The following CUBN variants were observed in gnomAD, a reference collection of about 807,000 sequenced individuals.
CUBN encodes 460 kDa receptor.
In CUBN, 282 loss-of-function variants were observed where a neutral mutation model predicts 405.3. The ratio of observed to expected loss-of-function variants is 0.70; its 90% CI spans 0.63 to 0.77. CUBN has a LOEUF of 0.77. Among genes scored for constraint, CUBN ranks in the 30% least tolerant of loss-of-function variants. The pLI is 0.00. For synonymous variants in CUBN, 1,684 were observed against 1,617.0 expected (o/e 1.04, Z -0.99); for missense variants, 4,514 against 4,475.2 (o/e 1.01, Z -0.25).
rs1031159091 is a variant in CUBN at position 17,100,196 on chromosome 10, T to C, written c.1574A>G (p.Asp525Gly). 6.2e-7 allele frequency: 1 copy of C among 1,613,888 alleles called. No homozygotes were observed. The highest frequency in any genetic ancestry group is 1.3e-5 in the African/African-American group (1 of 74,932). ...CTGAAGAAACTCGTGTGGACAGTTGTCCATGGATTCTAACCGGAAAAAAGT... is the reference window on the plus strand; with the variant it reads ...CTGAAGAAACTCGTGTGGACAGTTGCCCATGGATTCTAACCGGAAAAAAGT... Reference protein sequence around the residue: ...TFTFFRLESMDNCPHEFLQVY... With the variant: ...TFTFFRLESMGNCPHEFLQVY... The change falls in exon 14 of 67, where the codon GAC becomes GGC. Residue 525 changes from aspartate to glycine, a missense_variant. Physicochemically the swap from Asp to Gly is moderately conservative, Grantham distance 94. This residue lies in a region of CUBN where 1,448 missense variants were observed against 1,388.0 expected (regional missense o/e 1.04). Transcript: ENST00000377833.
intron 60 of CUBN, among the ~76,000 whole-genome samples, chr10:16,845,939 C>G (rs368937411): frequency 2.6e-5 from 4 of 152,206 alleles, no homozygotes; most frequent in Non-Finnish European, 4.4e-5. Context: ...GGGCCTATAA[C>G]TGGCATTTAG....
rs1300451528 is a variant in CUBN, at chr10:16,933,092, C to T, written c.6119G>A (p.Arg2040Gln). ...ATTCTTTATAATGTTCTCACCATCT[C>T]GTATCACAAGGCTATCATAGGCACA... ...RTCAYDSLVI[R>Q]DGDNNLAQQL... The change falls in exon 40 of 67, where the codon CGA (arginine) becomes CAA (glutamine). Residue 2040 changes from arginine (R) to glutamine (Q), a missense_variant. Coordinates refer to ENST00000377833, the MANE Select transcript of CUBN (RefSeq NM_001081.4). 2.5e-6 allele frequency: 4 copies of T among 1,613,708 alleles called. No homozygotes were observed. Among genetic ancestry groups the T allele is most frequent in the Non-Finnish European group, 3.4e-6 (4 of 1,179,744 alleles).
At chr10:17,019,113 G>A (rs72775005) in intron 28 of CUBN, among the ~76,000 whole-genome samples, 222 of 152,296 alleles carry the variant, frequency 1.5e-3, no homozygotes, top group Middle Eastern at 6.8e-3. Flanking sequence ...TAATGCTGAC[G>A]CTGCTCTCTA....
intron 14 of CUBN, among the ~76,000 whole-genome samples, chr10:17,089,542 T>A (rs555221264): frequency 9.8e-4 from 150 of 152,320 alleles, no homozygotes; most frequent in African/African-American, 3.1e-3. Context: ...AAAACCTTAA[T>A]TGAGATGCCA....
chr10:16,952,232 C>T (rs768856596), intron 33 of CUBN, 44 bp downstream of exon 33: 2 of 1,395,572 alleles, frequency 1.4e-6, no homozygotes, highest in East Asian at 4.6e-5. Context: ...CCCACAGACA[C>T]CTTCTCTCCT....
In CUBN at chr10:17,068,095, A is replaced by G. The variant is rs755061256; in HGVS notation, c.2977T>C (p.Tyr993His). 5 of 1,613,302 alleles carry G rather than the reference A, an allele frequency of 3.1e-6. No individual in the cohort carries two copies. In the African/African-American group the frequency reaches 5.3e-5, roughly 17 times the overall value. The change falls in exon 21 of 67, where the codon TAT becomes CAT. Residue 993 changes from tyrosine to histidine, a missense_variant. Tyr to His is a moderately conservative substitution (Grantham distance 83, BLOSUM62 2). This residue lies in a region of CUBN where 1,448 missense variants were observed against 1,388.0 expected (regional missense o/e 1.04). Coordinates refer to ENST00000377833, the MANE Select transcript of CUBN (RefSeq NM_001081.4). ...AGGGATGTCTCAGAGTCGGTGTCAT[A>G]AACTTCCAAGTAGTCGTTTGTGCAA... ...YNCTNDYLEV[Y>H]DTDSETSLGR...
At chr10:16,923,331 G>A (rs568884953) in intron 43 of CUBN, among the ~76,000 whole-genome samples, 165 of 152,264 alleles carry the variant, frequency 1.1e-3, no homozygotes, top group African/African-American at 3.7e-3. Context: ...CAACCATAGC[G>A]AAGGAGTGTC....
chr10:16,902,986 C>T (rs1841439286), intron 51 of CUBN, among the ~76,000 whole-genome samples: 1 of 152,186 alleles, frequency 6.6e-6, no homozygotes, highest in Non-Finnish European at 1.5e-5. Context: ...GGGAAGCAGT[C>T]AAGAGTAGGG....
At chr10:16,894,462 C>A (rs559626373) in intron 54 of CUBN, among the ~76,000 whole-genome samples, 6 of 152,228 alleles carry the variant, frequency 3.9e-5, no homozygotes, top group Non-Finnish European at 5.9e-5. Context: ...GTTGAAAAAA[C>A]CATTCTTCCT....
chr10:17,127,224 CTCTG>C (rs1311733688), intron 3 of CUBN, among the ~76,000 whole-genome samples: 3 of 149,632 alleles, frequency 2.0e-5, no homozygotes, highest in African/African-American at 4.9e-5. Context: ...CTCTCTCTCT[CTCTG>C]TCTCTCTCTC....
chr10:16,904,055 A>T lies in CUBN; in HGVS notation c.7973T>A (p.Leu2658Ter), dbSNP rs761802170. The T allele has an allele frequency of 2.0e-5, 33 of 1,613,700 alleles. No individual in the cohort carries two copies. Among genetic ancestry groups the T allele is most frequent in the Non-Finnish European group, 8.5e-7 (1 of 1,179,696 alleles). The change falls in exon 51 of 67, where the codon TTG (leucine) becomes TAG (stop). Residue 2658 changes from leucine (L) to a stop codon, truncating the protein, a stop_gained. Transcript: ENST00000377833. LOFTEE classifies it high-confidence loss of function. ...CCATACCTGAGAATAAGGTATAACC[A>T]ATGGCAATGTAGGCTTTGAAGGACC... is the stretch of plus-strand genomic sequence containing the variant. The part of the protein sequence containing the change: ...LCGPSKPTLP[L>*]VIPYSQVWIH...
At chr10:17,091,733 A>G (rs1836264048) in intron 14 of CUBN, among the ~76,000 whole-genome samples, 1 of 152,176 alleles carries the variant, frequency 6.6e-6, no homozygotes, top group Non-Finnish European at 1.5e-5. Context: ...GTATCTCCTG[A>G]AAAGATTATT....
At chr10:17,018,661 A>C (rs1834408611) in intron 28 of CUBN, among the ~76,000 whole-genome samples, 1 of 151,922 alleles carries the variant, frequency 6.6e-6, no homozygotes, top group African/African-American at 2.4e-5. Flanking sequence ...TTATTCCCTT[A>C]TTTGGCCCTG....
chr10:16,913,272 T>C (rs990594091), intron 48 of CUBN, among the ~76,000 whole-genome samples: 4 of 152,214 alleles, frequency 2.6e-5, no homozygotes, highest in African/African-American at 9.7e-5. Flanking sequence ...CAGTTAACAA[T>C]CTATTTGTTA....
intron 28 of CUBN, among the ~76,000 whole-genome samples, chr10:16,994,477 T>C (rs908055471): frequency 1.3e-5 from 2 of 152,130 alleles, no homozygotes; most frequent in Non-Finnish European, 1.5e-5. Flanking sequence ...AAATAACTCA[T>C]CCTGCCATTA....
At chr10:16,859,781 A>G (rs1839964841) in intron 59 of CUBN, among the ~76,000 whole-genome samples, 1 of 152,222 alleles carries the variant, frequency 6.6e-6, no homozygotes. Flanking sequence ...TTTCAGGAAG[A>G]AAAGAAAAAT....
intron 28 of CUBN, among the ~76,000 whole-genome samples, chr10:16,992,857 A>G (rs1387915353): frequency 6.6e-6 from 1 of 152,240 alleles, no homozygotes; most frequent in Non-Finnish European, 1.5e-5. Context: ...TTTAGAGACT[A>G]TGATGAATCT....
At chr10:16,912,590 G>C (rs764948098) in intron 48 of CUBN, among the ~76,000 whole-genome samples, 1 of 152,128 alleles carries the variant, frequency 6.6e-6, no homozygotes, top group Non-Finnish European at 1.5e-5. Flanking sequence ...AAAGGCATTC[G>C]AGCAGAGACC....
In CUBN at chr10:16,947,359, C is replaced by T; in HGVS notation, c.5218G>A (p.Gly1740Arg). 2 of 1,613,994 alleles carry T rather than the reference C, an allele frequency of 1.2e-6. No homozygotes were observed. The highest frequency in any genetic ancestry group is 2.2e-5 in the South Asian group (2 of 91,082). ...TVTASVSACG[G>R]TFYMAEGIFN... Reference sequence around the variant, plus strand: ...ATGCCTTCAGCCATGTAGAACGTTCCACCACAAGCTGGAAGAAAATAGAAA... The same window carrying T: ...ATGCCTTCAGCCATGTAGAACGTTCTACCACAAGCTGGAAGAAAATAGAAA... The change falls in exon 36 of 67, where the codon GGA becomes AGA. Residue 1740 changes from glycine to arginine, a missense_variant. By Grantham distance (125) the Gly-to-Arg change is moderately radical. This residue lies in a region of CUBN where 1,613 missense variants were observed against 1,542.8 expected (regional missense o/e 1.05). Transcript: ENST00000377833.
Sources: gnomAD v4.1 joint callset for allele counts (sites outside exome capture counted in the v4.1 genomes callset) on GRCh38, gnomAD v4.1.1 for gene constraint, gnomAD v4.1.1 regional missense constraint, MANE v1.5 for transcripts, NCBI Gene and HGNC (gene_info 2026-07-23, HGNC 2026-07-21) for gene names.